The following KIFAP3 variants were observed in gnomAD, a reference collection of about 807,000 sequenced individuals.
KIFAP3 encodes kinesin-associated protein 3.
KIFAP3 carries 68 observed loss-of-function variants against 106.5 expected under a neutral mutation model. The observed-to-expected ratio is 0.64, with a 90% confidence interval of 0.53 to 0.78. KIFAP3 has a LOEUF of 0.78. KIFAP3 is among the 30% of genes least tolerant of loss of function. KIFAP3 has a pLI of 0.00. For synonymous variants in KIFAP3, 320 were observed against 311.5 expected (o/e 1.03, Z -0.29); for missense variants, 780 against 941.8 (o/e 0.83, Z 2.25).
Position 170,046,832 on chromosome 1 carries a change from T to C in KIFAP3, c.199A>G (p.Ile67Val). The change falls in exon 3 of 20, where the codon ATA becomes GTA. Residue 67 changes from isoleucine to valine, a missense_variant. By Grantham distance (29) the Ile-to-Val change is conservative. Around this residue, in one of 3 missense-constraint regions of KIFAP3, gnomAD observed 588 missense variants for 678.9 expected, o/e 0.87. Coordinates refer to ENST00000361580, the MANE Select transcript of KIFAP3 (RefSeq NM_014970.4). ...RLKSLNANTD[I>V]TSLARKVVEE... is the part of the protein sequence containing the mutation. ...ACCACCTTCCTTGCCAGGGAAGTTA[T>C]ATCTGTGTTGGCATTGAGACTCTTA... The C allele has an allele frequency of 6.2e-7, 1 of 1,610,242 alleles. No individual in the cohort carries two copies. The highest frequency in any genetic ancestry group is 8.5e-7 in the Non-Finnish European group (1 of 1,178,058).
chr1:169,926,419 A>T (rs1204794178), intron 19 of KIFAP3, among the ~76,000 whole-genome samples: 1 of 152,166 alleles, frequency 6.6e-6, no homozygotes, highest in Admixed American at 6.5e-5. Flanking sequence ...AATTAACGTG[A>T]TACTTATGAT....
In KIFAP3 at chr1:169,982,060, T is replaced by C; in HGVS notation, c.1710A>G (p.Ile570Met). The change falls in exon 15 of 20, where the codon ATA becomes ATG. Residue 570 changes from isoleucine to methionine, a missense_variant. Ile to Met is a conservative substitution (Grantham distance 10). This residue lies in a region of KIFAP3 where 588 missense variants were observed against 678.9 expected (regional missense o/e 0.87). Coordinates refer to ENST00000361580, the MANE Select transcript of KIFAP3 (RefSeq NM_014970.4). ...CATCCATGGATACAGTTCCAATCATTATAACCACTTCTAAAACAAGATCAT... is the reference window on the plus strand; with the variant it reads ...CATCCATGGATACAGTTCCAATCATCATAACCACTTCTAAAACAAGATCAT... ...AEDDLVLEVV[I>M]MIGTVSMDDS... 2 of 1,613,524 alleles carry C rather than the reference T, an allele frequency of 1.2e-6. No homozygotes were observed. Among genetic ancestry groups the C allele is most frequent in the Non-Finnish European group, 1.7e-6 (2 of 1,179,578 alleles).
rs1222410932 is a variant in KIFAP3 at position 169,953,321 on chromosome 1, A to T, written c.2273+690T>A. ...GAGGAAAAGTCTTCAATTTAATAAA[A>T]GCACCAACTTTTTAAAAACAGCTAT... On this transcript the variant is annotated intron_variant, in intron 19 of 19. Coordinates refer to ENST00000361580, the MANE Select transcript of KIFAP3 (RefSeq NM_014970.4). 4.6e-5 allele frequency among the ~76,000 whole-genome samples: 7 copies of T among 152,332 alleles called. No homozygotes were observed. In the East Asian group the frequency reaches 7.7e-4, roughly 17 times the overall value.
chr1:169,922,350 C>T (rs547572535), intron 19 of KIFAP3, among the ~76,000 whole-genome samples: 3 of 152,322 alleles, frequency 2.0e-5, no homozygotes, highest in African/African-American at 7.2e-5. Flanking sequence ...CAGATTTGAT[C>T]TGCAAATCCT....
At chr1:170,015,305 T>C (rs2152831) in intron 10 of KIFAP3, among the ~76,000 whole-genome samples, 39,440 of 152,066 alleles carry the variant, frequency 0.26, 6,108 homozygotes, top group East Asian at 0.49. Context: ...GCTGACCTAA[T>C]AGGTGACACA....
At chr1:170,052,600 A>G (rs1402307475) in intron 2 of KIFAP3, among the ~76,000 whole-genome samples, 1 of 152,244 alleles carries the variant, frequency 6.6e-6, no homozygotes, top group Non-Finnish European at 1.5e-5. Flanking sequence ...TCAATAAAAT[A>G]CTGGCAAGCT....
intron 16 of KIFAP3, among the ~76,000 whole-genome samples, chr1:169,977,829 G>T (rs1462997084): frequency 6.6e-6 from 1 of 152,170 alleles, no homozygotes; most frequent in Non-Finnish European, 1.5e-5. Flanking sequence ...TAATAGAGAA[G>T]GAAGTTCTGA....
chr1:170,005,713 G>C (rs1383265737), intron 10 of KIFAP3, among the ~76,000 whole-genome samples: 3 of 112,992 alleles, frequency 2.7e-5, no homozygotes, highest in Non-Finnish European at 3.6e-5. Context: ...GTTGTGGGGT[G>C]GGGGGAGGGG....
intron 9 of KIFAP3, among the ~76,000 whole-genome samples, chr1:170,021,434 GTTT>G (rs746455008): frequency 2.6e-5 from 3 of 113,788 alleles, no homozygotes; most frequent in Non-Finnish European, 5.4e-5. Context: ...TTGTTATTAA[GTTT>G]TTTTTTTTTT....
chr1:170,021,043 G>T (rs1668789870), intron 9 of KIFAP3, among the ~76,000 whole-genome samples: 1 of 152,036 alleles, frequency 6.6e-6, no homozygotes, highest in Admixed American at 6.6e-5. Context: ...ATGAAAAGAA[G>T]GCACAGAAAA....
In KIFAP3 at chr1:169,984,673, A is replaced by G. The variant is rs1301208945; in HGVS notation, c.1302T>C (p.Phe434=). The change falls in exon 12 of 20, where the codon TTT becomes TTC. Residue 434 remains phenylalanine, a synonymous_variant. Transcript: ENST00000361580. ...AGTCAATTCGTTCATCTGAACATTC[A>G]AACAGCATCTTCATTAACTAGCAAG... The part of the protein sequence containing the change: ...DCIPQLMKML[F]ECSDERIDLE... The G allele has an allele frequency of 4.0e-5, 64 of 1,600,614 alleles. No individual in the cohort carries two copies. Among genetic ancestry groups the G allele is most frequent in the Non-Finnish European group, 5.2e-5 (61 of 1,170,014 alleles).
Position 169,984,604 on chromosome 1 carries a change from T to G in KIFAP3, c.1371A>C (p.Arg457Ser), listed in dbSNP as rs748975658. 6.2e-7 allele frequency: 1 copy of G among 1,603,524 alleles called. No homozygotes were observed. Among genetic ancestry groups the G allele is most frequent in the African/African-American group, 1.3e-5 (1 of 74,654 alleles). Residue 457 changes from arginine to serine, a missense_variant, in exon 12 of 20, where the codon AGA (arginine) becomes AGC (serine). Around this residue, in one of 3 missense-constraint regions of KIFAP3, gnomAD observed 588 missense variants for 678.9 expected, o/e 0.87. Transcript: ENST00000361580. ...SFCINLAANKRNVQLICEGNG... is the reference protein window; with the variant it reads ...SFCINLAANKSNVQLICEGNG... ...GACCTTCACAGATAAGCTGTACATT[T>G]CTTTTGTTAGCAGCAAGATTAATGC... is the stretch of plus-strand genomic sequence containing the variant.
chr1:169,951,357 A>G (rs1664721299), intron 19 of KIFAP3, among the ~76,000 whole-genome samples: 1 of 151,978 alleles, frequency 6.6e-6, no homozygotes, highest in South Asian at 2.1e-4. Flanking sequence ...ATAAAATTGT[A>G]TCATTCTTTT....
chr1:169,991,159 G>A (rs1667079050), intron 11 of KIFAP3, among the ~76,000 whole-genome samples: 1 of 151,970 alleles, frequency 6.6e-6, no homozygotes, highest in South Asian at 2.1e-4. Flanking sequence ...GGGCAAGAAA[G>A]CCAGACCCTG....
At position 169,982,777 on chromosome 1, in the gene KIFAP3, T is replaced by A; in HGVS notation, c.1597A>T (p.Ile533Phe). 1.2e-6 allele frequency: 2 copies of A among 1,609,680 alleles called. No homozygotes were observed. Among genetic ancestry groups the A allele is most frequent in the Non-Finnish European group, 1.7e-6 (2 of 1,176,950 alleles). Residue 533 changes from isoleucine to phenylalanine, a missense_variant, in exon 14 of 20, where the codon ATT (isoleucine) becomes TTT (phenylalanine). Physicochemically the swap from Ile to Phe is conservative, Grantham distance 21 (BLOSUM62 0). Coordinates refer to ENST00000361580, the MANE Select transcript of KIFAP3 (RefSeq NM_014970.4). ...ACCAATTCCCAGTCTAAGTCTGGAA[T>A]GGTCAAGTTTGCAAGAGTTCCCAAA... ...ECLGTLANLT[I>F]PDLDWELVLK... is the part of the protein sequence containing the mutation.
intron 10 of KIFAP3, among the ~76,000 whole-genome samples, chr1:170,014,743 G>T (rs1436429346): frequency 1.3e-5 from 2 of 152,064 alleles, no homozygotes; most frequent in Non-Finnish European, 2.9e-5. Context: ...CACGAGAAAC[G>T]TATTTGTACT....
intron 3 of KIFAP3, among the ~76,000 whole-genome samples, chr1:170,040,194 G>C (rs1269780377): frequency 6.6e-6 from 1 of 152,044 alleles, no homozygotes; most frequent in Non-Finnish European, 1.5e-5. Flanking sequence ...AAAAATCACT[G>C]AATGTAATGA....
chr1:169,941,502 T>A (rs1291227200), intron 19 of KIFAP3, among the ~76,000 whole-genome samples: 1 of 149,788 alleles, frequency 6.7e-6, no homozygotes, highest in Non-Finnish European at 1.5e-5. Flanking sequence ...ACATTTTGAT[T>A]TTTATGAGGA....
upstream of KIFAP3, among the ~76,000 whole-genome samples, chr1:170,075,507 G>A (rs61827261): frequency 0.089 from 13,510 of 152,192 alleles, 771 homozygotes; most frequent in East Asian, 0.18. Context: ...GCTTTGAGAC[G>A]TGCACGTAGT....
Sources: gnomAD v4.1 joint callset for allele counts (sites outside exome capture counted in the v4.1 genomes callset) on GRCh38, gnomAD v4.1.1 for gene constraint, gnomAD v4.1.1 regional missense constraint, MANE v1.5 for transcripts, NCBI Gene and HGNC (gene_info 2026-07-23, HGNC 2026-07-21) for gene names.